SPIRE1: variants seen among roughly 807,000 people sequenced by gnomAD.
SPIRE1 encodes protein spire homolog 1.
Under a neutral mutation model 94.1 loss-of-function variants are expected in SPIRE1, and 40 were observed. The observed-to-expected ratio is 0.43, with a 90% CI of 0.33 to 0.55. The LOEUF is 0.55. Ranked by LOEUF, SPIRE1 falls within the 20% of genes least tolerant of loss-of-function variation. The probability of loss-of-function intolerance (pLI) is 0.06; values close to 1 mark genes in which losing one functional copy is unlikely to be tolerated. For missense variants in SPIRE1, 838 were observed against 975.2 expected, an observed-to-expected ratio of 0.86 and a Z score of 1.87; for synonymous variants, 376 against 371.7, an observed-to-expected ratio of 1.01 and a Z score of -0.13.
At chr18:12,563,977 T>C (rs1363496404) in intron 2 of SPIRE1, among the ~76,000 whole-genome samples, 1 of 152,360 alleles carries the variant, frequency 6.6e-6, no homozygotes, top group African/African-American at 2.4e-5. Flanking sequence ...ATATATATTA[T>C]GTTTTACATA....
intron 4 of SPIRE1, 22 bp from the exon 5 acceptor site, chr18:12,512,553 G>A: frequency 6.8e-7 from 1 of 1,481,342 alleles, no homozygotes; most frequent in Non-Finnish European, 9.3e-7. Context: ...AATAATACAG[G>A]CATAAACATT....
chr18:12,603,232 T>C (rs2036885866), intron 2 of SPIRE1, among the ~76,000 whole-genome samples: 1 of 152,186 alleles, frequency 6.6e-6, no homozygotes, highest in East Asian at 1.9e-4. Context: ...ACTCAAACTA[T>C]AGTTACTAAA....
chr18:12,598,132 T>G (rs1056920322), intron 2 of SPIRE1, among the ~76,000 whole-genome samples: 3 of 152,254 alleles, frequency 2.0e-5, no homozygotes, highest in African/African-American at 7.2e-5. Flanking sequence ...TATTTTCTTA[T>G]GTCTAATATT....
chr18:12,599,340 G>T (rs1238860529), intron 2 of SPIRE1, among the ~76,000 whole-genome samples: 1 of 152,004 alleles, frequency 6.6e-6, no homozygotes, highest in Admixed American at 6.6e-5. Flanking sequence ...ACACAACCAA[G>T]CTCATAACCT....
intron 1 of SPIRE1, among the ~76,000 whole-genome samples, chr18:12,646,827 T>C (rs1013524799): frequency 2.6e-5 from 4 of 152,000 alleles, no homozygotes; most frequent in Admixed American, 6.6e-5. Context: ...TGTGGATCAC[T>C]TGAAATCTGG....
intron 2 of SPIRE1, among the ~76,000 whole-genome samples, chr18:12,567,760 T>A (rs1470404132): frequency 2.6e-5 from 4 of 152,200 alleles, no homozygotes; most frequent in Non-Finnish European, 5.9e-5. Flanking sequence ...TGGAAATGGC[T>A]CAAGTATGGG....
chr18:12,562,696 G>A (rs1208834135), intron 2 of SPIRE1, among the ~76,000 whole-genome samples: 1 of 132,762 alleles, frequency 7.5e-6, no homozygotes, highest in Admixed American at 9.2e-5. Flanking sequence ...ATTTTGTAGA[G>A]AAAGGGTCTC....
At chr18:12,525,482 T>C (rs2034494358) in intron 4 of SPIRE1, among the ~76,000 whole-genome samples, 1 of 151,902 alleles carries the variant, frequency 6.6e-6, no homozygotes, top group South Asian at 2.1e-4. Context: ...TCAACACTGT[T>C]GTCATTTCAT....
Position 12,559,688 on chromosome 18 carries a change from G to A in SPIRE1, c.373-12784C>T, listed in dbSNP as rs1455697200. 6.6e-6 allele frequency among the ~76,000 whole-genome samples: 1 copy of A among 152,184 alleles called. No homozygotes were observed. The highest frequency in any genetic ancestry group is 2.4e-5 in the African/African-American group (1 of 41,452). Reference sequence around the variant, plus strand: ...GGGAAACTCTCCAGGATGTTAGACTGGGCAAAGATTTCTTGAGTAATAACC... The same window carrying A: ...GGGAAACTCTCCAGGATGTTAGACTAGGCAAAGATTTCTTGAGTAATAACC... On this transcript the variant is annotated intron_variant, in intron 2 of 16. Coordinates refer to ENST00000409402, the MANE Select transcript of SPIRE1 (RefSeq NM_001128626.2). This position sits in a 1 kb window ranked among gnomAD's most constrained non-coding sequence, Gnocchi z 4.7.
chr18:12,621,626 T>C (rs923212702), intron 2 of SPIRE1, among the ~76,000 whole-genome samples: 3 of 152,192 alleles, frequency 2.0e-5, no homozygotes, highest in Admixed American at 6.6e-5. Flanking sequence ...AAATAACCTA[T>C]GAGTCCGTGC....
intron 8 of SPIRE1, among the ~76,000 whole-genome samples, chr18:12,490,968 G>C (rs1598926292): frequency 6.6e-6 from 1 of 152,014 alleles, no homozygotes; most frequent in South Asian, 2.1e-4. Context: ...CATCCAATTG[G>C]AAAGAAAGTA....
At chr18:12,479,943 A>C in intron 9 of SPIRE1, 72 bp from the exon 10 acceptor site, 2 of 1,439,638 alleles carry the variant, frequency 1.4e-6, no homozygotes, top group Non-Finnish European at 1.9e-6. Context: ...ATACCAGGTA[A>C]CAGAGCATTT....
At chr18:12,508,070 T>C (rs1016516601) in intron 5 of SPIRE1, among the ~76,000 whole-genome samples, 29 of 151,582 alleles carry the variant, frequency 1.9e-4, no homozygotes, top group Non-Finnish European at 3.7e-4. Flanking sequence ...CGCTTGAACC[T>C]GGGAGGCGGA....
intron 2 of SPIRE1, among the ~76,000 whole-genome samples, chr18:12,631,337 AG>A (rs1031127511): frequency 6.6e-6 from 1 of 151,846 alleles, no homozygotes; most frequent in Admixed American, 6.6e-5. Context: ...CATTTTATGG[AG>A]GAAAAAAAAA....
intron 2 of SPIRE1, among the ~76,000 whole-genome samples, chr18:12,629,584 A>G (rs549157823): frequency 6.6e-6 from 1 of 152,278 alleles, no homozygotes; most frequent in African/African-American, 2.4e-5. Flanking sequence ...CAAAACTGTA[A>G]GAACAACATA....
intron 5 of SPIRE1, among the ~76,000 whole-genome samples, chr18:12,507,728 C>T (rs1366130809): frequency 3.3e-5 from 5 of 151,776 alleles, no homozygotes; most frequent in Non-Finnish European, 2.9e-5. Flanking sequence ...TAAAATAATA[C>T]AAAATCTATT....
rs145981470 is a variant in SPIRE1, at chr18:12,529,368, C to CAA, written c.729+6106_729+6107dup. On this transcript the variant is annotated intron_variant, in intron 4 of 16. Transcript: ENST00000409402. ...TAGACGACAGAGCAAGACTCCGTCT[C>CAA]AAAAAAAAAAAAAAGGGCAGTATGT... 5.3e-3 allele frequency among the ~76,000 whole-genome samples: 669 copies of CAA among 126,408 alleles called. 12 individuals are homozygous for CAA. Among genetic ancestry groups the CAA allele is most frequent in the African/African-American group, 0.014 (483 of 33,624 alleles). 82.9% of individuals were successfully genotyped at this position (126,408 alleles called of 152,430 possible).
At chr18:12,577,514 A>G (rs547573277) in intron 2 of SPIRE1, among the ~76,000 whole-genome samples, 1 of 152,280 alleles carries the variant, frequency 6.6e-6, no homozygotes, top group African/African-American at 2.4e-5. Flanking sequence ...AAAATTCTAG[A>G]AAAAAAGGAG....
chr18:12,574,789 A>G (rs1394114786), intron 2 of SPIRE1, among the ~76,000 whole-genome samples: 2 of 152,232 alleles, frequency 1.3e-5, no homozygotes, highest in Admixed American at 1.3e-4. Context: ...ATTGGACTGT[A>G]AAGGAGCAAC....
Sources: gnomAD v4.1 joint callset for allele counts (sites outside exome capture counted in the v4.1 genomes callset) on GRCh38, gnomAD v4.1.1 for gene constraint, Gnocchi (gnomAD v3.1) non-coding constraint, MANE v1.5 for transcripts, NCBI Gene and HGNC (gene_info 2026-07-23, HGNC 2026-07-21) for gene names.